The following SBF2 variants were observed in gnomAD, a reference collection of about 807,000 sequenced individuals.
SBF2 encodes the protein SET binding factor 2, also known as myotubularin-related protein 13.
In SBF2, 112 loss-of-function variants were observed where a neutral mutation model predicts 225.2. That is an observed-to-expected ratio of 0.50 (90% CI 0.43 to 0.58). The LOEUF (loss-of-function observed/expected upper bound fraction) is 0.58, where lower values mean the gene tolerates loss of function less well. SBF2 is among the 20% of genes least tolerant of loss of function. SBF2 has a pLI of 0.00. For missense variants in SBF2, 1,996 were observed against 2,206.2 expected, an observed-to-expected ratio of 0.90 and a Z score of 1.91; for synonymous variants, 763 against 773.3, an observed-to-expected ratio of 0.99 and a Z score of 0.22.
Position 9,998,222 on chromosome 11 carries a change from G to T in SBF2, c.975+44C>A, listed in dbSNP as rs1361704427. On this transcript the variant is annotated intron_variant, in intron 9 of 39. Coordinates refer to ENST00000256190, the MANE Select transcript of SBF2 (RefSeq NM_030962.4). ...TTTAATTTTAGCTATCTTAGCTTCA[G>T]ATTTAAATAAAGAGAAAGTTACTAT... The T allele has an allele frequency of 3.5e-6, 4 of 1,153,766 alleles. No individual in the cohort carries two copies. The Admixed American group carries it at 5.2e-5, about 15-fold the overall frequency. 71.5% of individuals were successfully genotyped at this position (1,153,766 alleles called of 1,614,324 possible). A position where few individuals can be genotyped will look rare whatever the true frequency, so the allele number is the denominator to read the frequency against.
chr11:9,936,620 G>A (rs944566147), intron 16 of SBF2, among the ~76,000 whole-genome samples: 8 of 152,294 alleles, frequency 5.3e-5, no homozygotes, highest in African/African-American at 1.9e-4. Flanking sequence ...ATACTATGCA[G>A]CCATAAAAAA....
chr11:10,058,071 G>A (rs1359395569), intron 2 of SBF2, among the ~76,000 whole-genome samples: 2 of 152,204 alleles, frequency 1.3e-5, no homozygotes, highest in Non-Finnish European at 2.9e-5. Context: ...AAAGAACAGT[G>A]CGAGAACTCT....
rs115992830 is a variant in SBF2 at position 10,282,701 on chromosome 11, A to G, written c.55+11314T>C. Among the ~76,000 whole-genome samples the G allele has an allele frequency of 4.7e-3, 713 of 152,220 alleles. 5 individuals carry two copies. Among genetic ancestry groups the G allele is most frequent in the African/African-American group, 0.016 (676 of 41,548 alleles). ...TACCTTCCTTGCCATTTCCACCATA[A>G]AAACGTTTGAGCTTTCTCATACTGG... On this transcript the variant is annotated intron_variant, in intron 1 of 39. Transcript: ENST00000256190.
chr11:9,831,891 G>A (rs12574474), intron 27 of SBF2, among the ~76,000 whole-genome samples: 12,427 of 152,122 alleles, frequency 0.082, 595 homozygotes, highest in East Asian at 0.15. Context: ...CTTCCCAGGA[G>A]AAAGAAAAAA....
chr11:10,073,159 T>C (rs894017602), intron 2 of SBF2, among the ~76,000 whole-genome samples: 7 of 152,118 alleles, frequency 4.6e-5, no homozygotes, highest in Non-Finnish European at 1.0e-4. Context: ...GCTGTGAATA[T>C]GAAGTGCTTA....
intron 1 of SBF2, among the ~76,000 whole-genome samples, chr11:10,246,996 A>C (rs1959867081): frequency 6.6e-6 from 1 of 152,212 alleles, no homozygotes; most frequent in Non-Finnish European, 1.5e-5. Context: ...CTGAGGCAGG[A>C]AGATCACTTG....
intron 13 of SBF2, among the ~76,000 whole-genome samples, chr11:9,973,805 T>C (rs1339680972): frequency 6.6e-6 from 1 of 152,138 alleles, no homozygotes. Flanking sequence ...CAATGGAAAT[T>C]CAAAGTAGGC....
chr11:9,964,095 C>T (rs1866751617), intron 14 of SBF2, among the ~76,000 whole-genome samples: 1 of 151,940 alleles, frequency 6.6e-6, no homozygotes, highest in Non-Finnish European at 1.5e-5. Flanking sequence ...ACAAAAAATA[C>T]AAAAATTAGC....
chr11:10,107,610 T>C (rs1273870248), intron 2 of SBF2, among the ~76,000 whole-genome samples: 2 of 152,182 alleles, frequency 1.3e-5, no homozygotes, highest in Non-Finnish European at 2.9e-5. Context: ...TCTGAAGGAT[T>C]ATGTATTCTG....
chr11:10,116,704 G>A (rs1400993554), intron 2 of SBF2, among the ~76,000 whole-genome samples: 1 of 151,728 alleles, frequency 6.6e-6, no homozygotes, highest in Non-Finnish European at 1.5e-5. Flanking sequence ...GCTTTAGTCA[G>A]ATCAGTCTCT....
chr11:10,005,790 T>C (rs1948163191), intron 6 of SBF2, among the ~76,000 whole-genome samples: 1 of 152,136 alleles, frequency 6.6e-6, no homozygotes, highest in Admixed American at 6.5e-5. Flanking sequence ...GCTGGAGGTG[T>C]TTAACCCCTG....
At chr11:10,081,407 C>T (rs758381217) in intron 2 of SBF2, among the ~76,000 whole-genome samples, 2 of 152,052 alleles carry the variant, frequency 1.3e-5, no homozygotes, top group Non-Finnish European at 2.9e-5. Context: ...ATATCAAAAA[C>T]CTCTGGGATA....
intron 1 of SBF2, among the ~76,000 whole-genome samples, chr11:10,236,205 A>G (rs1048855539): frequency 5.9e-5 from 9 of 152,162 alleles, no homozygotes; most frequent in Non-Finnish European, 8.8e-5. Flanking sequence ...TAATCCCATC[A>G]AATTGGGAGG....
At chr11:10,255,619 A>T (rs1960800470) in intron 1 of SBF2, among the ~76,000 whole-genome samples, 1 of 152,196 alleles carries the variant, frequency 6.6e-6, no homozygotes, top group African/African-American at 2.4e-5. Flanking sequence ...TCAATATTTT[A>T]ATGTTTACTT....
chr11:9,924,228 C>T (rs1312691211), intron 16 of SBF2, among the ~76,000 whole-genome samples: 2 of 152,076 alleles, frequency 1.3e-5, no homozygotes, highest in African/African-American at 4.8e-5. Context: ...CCTCGAGTAC[C>T]CACACAATCA....
At chr11:10,147,051 T>TAA (rs201320634) in intron 2 of SBF2, among the ~76,000 whole-genome samples, 1,134 of 108,500 alleles carry the variant, frequency 0.01, 16 homozygotes, top group African/African-American at 0.033. Context: ...TATTAAAAAG[T>TAA]AAAAAAAAAA....
chr11:10,189,112 T>C (rs1957061105), intron 2 of SBF2, among the ~76,000 whole-genome samples: 1 of 152,224 alleles, frequency 6.6e-6, no homozygotes, highest in Admixed American at 6.5e-5. Context: ...TATAAACTTT[T>C]TAAAATCTGT....
intron 13 of SBF2, among the ~76,000 whole-genome samples, chr11:9,989,207 A>C (rs1947318030): frequency 6.6e-6 from 1 of 152,134 alleles, no homozygotes; most frequent in African/African-American, 2.4e-5. Context: ...AAAACCAAAC[A>C]TTGTATGTTC....
At chr11:10,260,572 T>TG (rs1461862725) in intron 1 of SBF2, among the ~76,000 whole-genome samples, 4 of 151,648 alleles carry the variant, frequency 2.6e-5, no homozygotes, top group African/African-American at 9.7e-5. Flanking sequence ...AAAAATTAGC[T>TG]GGGCGTGGTG....
Sources: allele counts gnomAD v4.1 joint callset (sites outside exome capture counted in the v4.1 genomes callset), GRCh38; gene constraint gnomAD v4.1.1; transcripts MANE v1.5; gene names NCBI Gene and HGNC (gene_info 2026-07-23, HGNC 2026-07-21).